Variants in PRPF39 observed in about 807,000 individuals in gnomAD.
PRPF39 encodes the protein pre-mRNA-processing factor 39.
In PRPF39, 27 loss-of-function variants were observed where a neutral mutation model predicts 82.1. The observed-to-expected ratio is 0.33, with a 90% CI of 0.24 to 0.45. The LOEUF (loss-of-function observed/expected upper bound fraction) is 0.45. Among genes scored for constraint, PRPF39 ranks in the 20% least tolerant of loss-of-function variants. PRPF39 has a pLI of 1.00. For synonymous variants in PRPF39, 261 were observed against 256.4 expected (o/e 1.02, Z -0.17); for missense variants, 581 against 796.9 (o/e 0.73, Z 3.26).
At chr14:45,085,767 T>C (rs1883806052) in intron 1 of PRPF39, among the ~76,000 whole-genome samples, 1 of 152,184 alleles carries the variant, frequency 6.6e-6, no homozygotes, top group Non-Finnish European at 1.5e-5. Context: ...AATCTCCAGA[T>C]TGCCTTGTGG....
chr14:45,103,823 G>T (rs538687836), intron 5 of PRPF39, among the ~76,000 whole-genome samples: 1 of 152,122 alleles, frequency 6.6e-6, no homozygotes, highest in Non-Finnish European at 1.5e-5. Context: ...GCCAAAGAGG[G>T]TGTCTTTTCA....
Position 45,102,708 on chromosome 14 carries a change from A to G in PRPF39, c.737+12A>G. ...CATCATTTTCAGAGGTAGGTGGGAA[A>G]TTCTGATCATTGAAACATCTTTGAT... On this transcript the variant is annotated intron_variant, in intron 5 of 13. Coordinates refer to ENST00000355765, the MANE Select transcript of PRPF39 (RefSeq NM_017922.4). 4.5e-6 allele frequency: 7 copies of G among 1,570,474 alleles called. No homozygotes were observed. Among genetic ancestry groups the G allele is most frequent in the Non-Finnish European group, 6.1e-6 (7 of 1,155,830 alleles).
At position 45,106,037 on chromosome 14, in the gene PRPF39, A is replaced by G. The variant is rs914201466; in HGVS notation, c.738-1414A>G. On this transcript the variant is annotated intron_variant, in intron 5 of 13. Transcript: ENST00000355765. ...ATTGAGAGATGTAGTGGTTGACAGT[A>G]CCATTAATCAATATTAGAAATGCTG... 5.9e-5 allele frequency among the ~76,000 whole-genome samples: 9 copies of G among 152,238 alleles called. No individual in the cohort carries two copies. The East Asian group carries it at 1.7e-3, about 29-fold the overall frequency.
chr14:45,114,449 T>C, intron 12 of PRPF39, 45 bp from the exon 13 acceptor site: 1 of 1,520,134 alleles, frequency 6.6e-7, no homozygotes, highest in Non-Finnish European at 8.8e-7. Flanking sequence ...TTAAAGTTCT[T>C]ACCTGTGGGA....
intron 1 of PRPF39, 68 bp from the exon 2 acceptor site, chr14:45,095,153 G>A (rs1056916608): frequency 2.0e-6 from 2 of 1,008,228 alleles, no homozygotes; most frequent in Admixed American, 2.4e-5. Context: ...TTTTTAAAAG[G>A]TGTTGTTGAG....
In PRPF39 at chr14:45,095,506, A is replaced by G. The variant is rs759299698; in HGVS notation, c.267A>G (p.Glu89=). The G allele has an allele frequency of 3.7e-5, 60 of 1,613,182 alleles. No homozygotes were observed. The highest frequency in any genetic ancestry group is 4.8e-5 in the Non-Finnish European group (57 of 1,179,566). Residue 89 remains glutamate, a synonymous_variant, in exon 2 of 14, where the codon GAA becomes GAG. Coordinates refer to ENST00000355765, the MANE Select transcript of PRPF39 (RefSeq NM_017922.4). ...ATGAAAAATTTTGGAAAACTGTAGA[A>G]AATAATCCTCAGGATTTTACAGGCT... The part of the protein sequence containing the change: ...PEYEKFWKTV[E]NNPQDFTGWV...
In PRPF39 at chr14:45,095,345, A is replaced by G; in HGVS notation, c.106A>G (p.Met36Val). The change falls in exon 2 of 14, where the codon ATG (methionine) becomes GTG (valine). Residue 36 changes from methionine to valine, a missense_variant. Transcript: ENST00000355765. ...TCCTACTGATTTCAGTACTGAGATTATGAACGTTACAGAAATGGAACAGTC... is the reference window on the plus strand; with the variant it reads ...TCCTACTGATTTCAGTACTGAGATTGTGAACGTTACAGAAATGGAACAGTC... ...EHPTDFSTEI[M>V]NVTEMEQSPD... The G allele has an allele frequency of 6.2e-7, 1 of 1,613,742 alleles. No homozygotes were observed. Among genetic ancestry groups the G allele is most frequent in the Non-Finnish European group, 8.5e-7 (1 of 1,179,628 alleles).
At chr14:45,095,692 A>G in intron 2 of PRPF39, 129 bp downstream of exon 2, 10 of 1,213,236 alleles carry the variant, frequency 8.2e-6, no homozygotes, top group Non-Finnish European at 8.9e-6. Flanking sequence ...GAATAACATT[A>G]GGTAGCTACA....
chr14:45,095,789 G>A (rs1032427906), intron 2 of PRPF39: 4 of 563,912 alleles, frequency 7.1e-6, no homozygotes, highest in Non-Finnish European at 1.1e-5. Flanking sequence ...TAATTGAGGT[G>A]TAAATGTGTG....
Position 45,110,592 on chromosome 14 carries a change from A to G in PRPF39, c.1347A>G (p.Glu449=). 1 of 1,567,820 alleles carries G rather than the reference A, an allele frequency of 6.4e-7. No homozygotes were observed. The highest frequency in any genetic ancestry group is 1.4e-5 in the African/African-American group (1 of 74,016). The change falls in exon 10 of 14, where the codon GAA becomes GAG. Residue 449 remains glutamate, a synonymous_variant. Transcript: ENST00000355765. This position sits in a 1 kb window ranked among gnomAD's most constrained non-coding sequence, Gnocchi z 4.0. ...EARNILKTFE[E]CVLGLAMVRL... is the part of the protein sequence containing the mutation. ...GGAATATCTTGAAAACATTTGAAGAATGTGTTCTAGGATTGGCAATGGTTC... is the reference window on the plus strand; with the variant it reads ...GGAATATCTTGAAAACATTTGAAGAGTGTGTTCTAGGATTGGCAATGGTTC...
At chr14:45,086,623 T>C (rs1426905477) in intron 1 of PRPF39, among the ~76,000 whole-genome samples, 1 of 152,162 alleles carries the variant, frequency 6.6e-6, no homozygotes, top group Non-Finnish European at 1.5e-5. Context: ...ATTAATACTT[T>C]TGGAAAGTTA....
At chr14:45,116,280 TA>T in exon 14 of PRPF39, 1 of 1,585,004 alleles carries the variant, frequency 6.3e-7, no homozygotes, top group Non-Finnish European at 8.7e-7. Flanking sequence ...GTACATTTGA[TA>T]AAAAGTGCCT....
chr14:45,109,566 T>G, intron 7 of PRPF39, 50 bp from the exon 8 acceptor site: 1 of 1,488,608 alleles, frequency 6.7e-7, no homozygotes, highest in Non-Finnish European at 9.1e-7. Flanking sequence ...CATGTGCATA[T>G]TTTGGTGATA....
At chr14:45,103,985 C>A (rs575150901) in intron 5 of PRPF39, among the ~76,000 whole-genome samples, 1 of 152,210 alleles carries the variant, frequency 6.6e-6, no homozygotes, top group South Asian at 2.1e-4. Flanking sequence ...ACTTAATCCT[C>A]CCAGTAACCC....
At chr14:45,109,452 C>T (rs959558212) in intron 7 of PRPF39, among the ~76,000 whole-genome samples, 164 bp from the exon 8 acceptor site, 2 of 151,974 alleles carry the variant, frequency 1.3e-5, no homozygotes, top group Non-Finnish European at 2.9e-5. Context: ...GTTTGTAAAG[C>T]TTAAGGAATT....
Position 45,096,156 on chromosome 14 carries a change from G to C in PRPF39, c.378G>C (p.Pro126=). The C allele has an allele frequency of 6.3e-7, 1 of 1,588,742 alleles. No individual in the cohort carries two copies. The highest frequency in any genetic ancestry group is 8.6e-7 in the Non-Finnish European group (1 of 1,166,398). ...KAFDRFFIHY[P]YCYGYWKKYA... is the part of the protein sequence containing the mutation. ...TTGACAGATTTTTCATACACTATCC[G>C]TATTGCTATGGTTACTGGAAAAAGT... is the stretch of plus-strand genomic sequence containing the variant. The change falls in exon 3 of 14, where the codon CCG becomes CCC. Residue 126 remains proline, a synonymous_variant. Coordinates refer to ENST00000355765, the MANE Select transcript of PRPF39 (RefSeq NM_017922.4).
rs775733628 is a variant in PRPF39 at position 45,108,390 on chromosome 14, AT to A, written c.904-18del. The A allele has an allele frequency of 2.4e-4, 382 of 1,560,624 alleles. 3 individuals carry two copies. The highest frequency in any genetic ancestry group is 1.0e-3 in the Admixed American group (46 of 45,654). ...TTTCAGTATACAGTTTGTGAGATTTATTTTTTTCCCTTTTTCTTCCCAAGCT... is the reference window on the plus strand; with the variant it reads ...TTTCAGTATACAGTTTGTGAGATTTATTTTTTCCCTTTTTCTTCCCAAGCT... On this transcript the variant is annotated intron_variant, in intron 6 of 13. Transcript: ENST00000355765.
At chr14:45,107,381 A>G (rs1422691439) in intron 5 of PRPF39, 70 bp from the exon 6 acceptor site, 1 of 1,170,330 alleles carries the variant, frequency 8.5e-7, no homozygotes, top group African/African-American at 1.6e-5. Flanking sequence ...AGAGTAGTAT[A>G]TAGTAGGAAT....
In PRPF39 at chr14:45,110,407, A is replaced by G. The variant is rs1884666266; in HGVS notation, c.1304-142A>G. On this transcript the variant is annotated intron_variant, in intron 9 of 13. Transcript: ENST00000355765. This position sits in a 1 kb window ranked among gnomAD's most constrained non-coding sequence, Gnocchi z 4.0. Reference sequence around the variant, plus strand: ...AAGCCATTGTAGCCCCGAAACAGCCATAGGCAGTGTGTAAATATGCATGGC... The same window carrying G: ...AAGCCATTGTAGCCCCGAAACAGCCGTAGGCAGTGTGTAAATATGCATGGC... 5.8e-6 allele frequency: 7 copies of G among 1,202,906 alleles called. No individual in the cohort carries two copies. The highest frequency in any genetic ancestry group is 2.6e-5 in the Admixed American group (1 of 39,104). The allele number at this position is 1,202,906 out of a possible 1,614,324, so 74.5% of individuals were successfully genotyped here.
Sources: gnomAD v4.1 joint callset for allele counts (sites outside exome capture counted in the v4.1 genomes callset) on GRCh38, gnomAD v4.1.1 for gene constraint, Gnocchi (gnomAD v3.1) non-coding constraint, MANE v1.5 for transcripts, NCBI Gene and HGNC (gene_info 2026-07-23, HGNC 2026-07-21) for gene names.